Variants in EPB41L1 observed in about 807,000 individuals in gnomAD.
The protein encoded by EPB41L1 is band 4.1-like protein 1.
EPB41L1 carries 29 observed loss-of-function variants against 97.8 expected under a neutral mutation model. That is an observed-to-expected ratio of 0.30 (90% CI 0.22 to 0.40). EPB41L1 has a LOEUF of 0.40. Among genes scored for constraint, EPB41L1 ranks in the 10% least tolerant of loss-of-function variants. EPB41L1 has a pLI of 1.00. For missense variants in EPB41L1, 812 were observed against 1,162.3 expected (o/e 0.70, Z 4.38); for synonymous variants, 383 against 459.2 (o/e 0.83, Z 2.12).
chr20:36,173,980 C>A (rs375684940), intron 2 of EPB41L1, 26 bp downstream of exon 2: 23 of 1,598,016 alleles, frequency 1.4e-5, no homozygotes, highest in South Asian at 2.2e-5. Flanking sequence ...CATGGGCGTA[C>A]CTTTCCTGCC....
intron 2 of EPB41L1, among the ~76,000 whole-genome samples, chr20:36,123,353 T>C (rs2058828169): frequency 6.6e-6 from 1 of 152,224 alleles, no homozygotes; most frequent in Admixed American, 6.5e-5. Context: ...TTGTGTACTT[T>C]CGCTGCACCT....
In EPB41L1 at chr20:36,190,143, T is replaced by C. The variant is rs1025992567; in HGVS notation, c.1027-134T>C. ...GTGAGCTATGATTGCGCCACTGTAC[T>C]CCACCCTGGGCAAATGATCGAGACC... is the stretch of plus-strand genomic sequence containing the variant. On this transcript the variant is annotated intron_variant, in intron 9 of 21. Transcript: ENST00000338074. This position sits in a 1 kb window ranked among gnomAD's most constrained non-coding sequence, Gnocchi z 5.8. The C allele has an allele frequency of 6.2e-5, 46 of 741,822 alleles. No homozygotes were observed. The African/African-American group carries it at 8.0e-4, about 13-fold the overall frequency. 46.0% of individuals were successfully genotyped at this position (741,822 alleles called of 1,614,324 possible).
chr20:36,119,180 T>C (rs190210610), intron 2 of EPB41L1, among the ~76,000 whole-genome samples: 2 of 152,322 alleles, frequency 1.3e-5, no homozygotes, highest in East Asian at 3.9e-4. Context: ...TGATTAGTAC[T>C]GAAGGGAGGT....
intron 11 of EPB41L1, among the ~76,000 whole-genome samples, chr20:36,192,086 C>T (rs189431690): frequency 3.9e-5 from 6 of 151,920 alleles, no homozygotes; most frequent in Admixed American, 6.6e-5. Context: ...ATTAGCCGGG[C>T]GTGGTGGCAT....
chr20:36,126,257 TG>T (rs2058962795), intron 2 of EPB41L1, among the ~76,000 whole-genome samples: 1 of 151,928 alleles, frequency 6.6e-6, no homozygotes, highest in South Asian at 2.1e-4. Flanking sequence ...CCTCCTTTGG[TG>T]GTAACAAAGC....
chr20:36,187,466 C>T lies in EPB41L1; in HGVS notation c.786-210C>T, dbSNP rs371936535. On this transcript the variant is annotated intron_variant, in intron 7 of 21. Transcript: ENST00000338074. Reference sequence around the variant, plus strand: ...TGATCCCTGGACTAACAAGACTGGACTTGAGCTTTGGCAGAAGTTGGGGGT... The same window carrying T: ...TGATCCCTGGACTAACAAGACTGGATTTGAGCTTTGGCAGAAGTTGGGGGT... Among the ~76,000 whole-genome samples, 168 of 152,318 alleles carry T rather than the reference C, an allele frequency of 1.1e-3. 1 individual carries two copies. The highest frequency in any genetic ancestry group is 3.9e-3 in the African/African-American group (163 of 41,568).
chr20:36,110,995 A>C (rs192973084), intron 1 of EPB41L1, among the ~76,000 whole-genome samples: 226 of 152,154 alleles, frequency 1.5e-3, no homozygotes, highest in African/African-American at 5.3e-3. Context: ...TCAGTGAGTC[A>C]TTTCATCCTT....
chr20:36,158,312 T>C (rs1458642108), intron 1 of EPB41L1, among the ~76,000 whole-genome samples: 1 of 152,186 alleles, frequency 6.6e-6, no homozygotes, highest in Non-Finnish European at 1.5e-5. Context: ...CTGGGAGAGA[T>C]GCAGACATGA....
chr20:36,097,692 G>T (rs1049073386), intron 1 of EPB41L1, among the ~76,000 whole-genome samples: 1 of 152,214 alleles, frequency 6.6e-6, no homozygotes, highest in Non-Finnish European at 1.5e-5. Context: ...GGACAGAGAT[G>T]GTGTTTGGGC....
At chr20:36,144,112 C>T (rs1005493453) in intron 2 of EPB41L1, among the ~76,000 whole-genome samples, 5 of 152,176 alleles carry the variant, frequency 3.3e-5, no homozygotes. Flanking sequence ...CTCGGCCTCC[C>T]AGAGTGTAAG....
chr20:36,219,106 A>C (rs2063619072), intron 18 of EPB41L1, 144 bp downstream of exon 18: 2 of 862,578 alleles, frequency 2.3e-6, no homozygotes, highest in South Asian at 2.9e-5. Flanking sequence ...CCCTTTTCAG[A>C]TGCCCACAGG....
At chr20:36,173,657 T>A (rs1034681701) in intron 1 of EPB41L1, 107 bp from the exon 2 acceptor site, 2 of 996,676 alleles carry the variant, frequency 2.0e-6, no homozygotes, top group Admixed American at 3.5e-5. Context: ...TGTGACTCTT[T>A]GTCCGTTTGC....
chr20:36,223,247 T>G (rs888865036), intron 21 of EPB41L1, among the ~76,000 whole-genome samples: 1 of 152,200 alleles, frequency 6.6e-6, no homozygotes, highest in African/African-American at 2.4e-5. Context: ...TTGGCCAGGC[T>G]GGTATCAAAC....
intron 19 of EPB41L1, among the ~76,000 whole-genome samples, chr20:36,220,982 A>G (rs752233437): frequency 6.6e-6 from 1 of 152,132 alleles, no homozygotes; most frequent in Non-Finnish European, 1.5e-5. Context: ...GCACTTTCTC[A>G]CGTACCCCAC....
chr20:36,154,887 C>T lies in EPB41L1; in HGVS notation c.-24C>T, dbSNP rs1251218173. ...CCCAACCTGCCCGACATGGGGAACC[C>T]CGGGCCCAGGTAGGCACATGGGGGA... On this transcript the variant is annotated 5_prime_UTR_variant, in exon 1 of 22. Coordinates refer to ENST00000338074, the MANE Select transcript of EPB41L1 (RefSeq NM_012156.2). The surrounding 1 kb of genome is among the most constrained non-coding windows in gnomAD (Gnocchi z 5.5). 9.7e-7 allele frequency: 1 copy of T among 1,028,322 alleles called. No homozygotes were observed. The highest frequency in any genetic ancestry group is 1.2e-6 in the Non-Finnish European group (1 of 855,644). The allele number at this position is 1,028,322 out of a possible 1,614,324, so 63.7% of individuals were successfully genotyped here.
At chr20:36,136,983 G>A (rs1405885823) in intron 2 of EPB41L1, among the ~76,000 whole-genome samples, 2 of 151,844 alleles carry the variant, frequency 1.3e-5, no homozygotes, top group Non-Finnish European at 2.9e-5. Context: ...GGCTCAAATG[G>A]TCCTCCCATC....
At chr20:36,217,837 A>T (rs1026858372) in intron 17 of EPB41L1, among the ~76,000 whole-genome samples, 3 of 152,006 alleles carry the variant, frequency 2.0e-5, no homozygotes, top group Non-Finnish European at 4.4e-5. Flanking sequence ...TTCTTTTCTC[A>T]CCTGTCCCTT....
chr20:36,207,045 C>A lies in EPB41L1; in HGVS notation c.1669-2443C>A, dbSNP rs942059541. On this transcript the variant is annotated intron_variant, in intron 14 of 21. Transcript: ENST00000338074. The surrounding 1 kb of genome is among the most constrained non-coding windows in gnomAD (Gnocchi z 4.9). Reference sequence around the variant, plus strand: ...AAGGAGGGGCTGAGCTGAAGGACCGCGAGGCTTCAGCATTTCTTCACATGG... The same window carrying A: ...AAGGAGGGGCTGAGCTGAAGGACCGAGAGGCTTCAGCATTTCTTCACATGG... The A allele has an allele frequency of 1.1e-5, 14 of 1,289,692 alleles. No homozygotes were observed. The Admixed American group carries it at 2.8e-4, about 25-fold the overall frequency. 79.9% of individuals were successfully genotyped at this position (1,289,692 alleles called of 1,614,324 possible). A position where few individuals can be genotyped will look rare whatever the true frequency, so the allele number is the denominator to read the frequency against.
chr20:36,149,302 A>G (rs979153955), intron 2 of EPB41L1, among the ~76,000 whole-genome samples: 1 of 152,180 alleles, frequency 6.6e-6, no homozygotes. Context: ...ACACTACACT[A>G]GATACGTATG....
Sources: allele counts gnomAD v4.1 joint callset (sites outside exome capture counted in the v4.1 genomes callset), GRCh38; gene constraint gnomAD v4.1.1; non-coding constraint Gnocchi (gnomAD v3.1); transcripts MANE v1.5; gene names NCBI Gene and HGNC (gene_info 2026-07-23, HGNC 2026-07-21).